Variants in CHN1 observed in about 807,000 individuals in gnomAD.
CHN1 encodes the protein N-chimaerin.
A neutral mutation model predicts 59.5 loss-of-function variants in CHN1; 37 were observed. The observed-to-expected ratio is 0.62, with a 90% CI of 0.48 to 0.82. CHN1 has a LOEUF of 0.82. CHN1 is among the 40% of genes least tolerant of loss of function. CHN1 has a pLI of 0.00. For missense variants in CHN1, 469 were observed against 571.0 expected, an observed-to-expected ratio of 0.82 and a Z score of 1.82; for synonymous variants, 206 against 200.4, an observed-to-expected ratio of 1.03 and a Z score of -0.24.
intron 3 of CHN1, among the ~76,000 whole-genome samples, chr2:174,944,354 T>C (rs1689763678): frequency 6.6e-6 from 1 of 152,210 alleles, no homozygotes; most frequent in African/African-American, 2.4e-5. Context: ...CAAGTAAGTA[T>C]ATTCTGAGCT....
intron 6 of CHN1, among the ~76,000 whole-genome samples, chr2:174,873,341 T>C (rs1028964210): frequency 6.6e-6 from 1 of 152,098 alleles, no homozygotes; most frequent in African/African-American, 2.4e-5. Context: ...GAACAAGGAA[T>C]GACAAAAAAG....
At chr2:174,926,902 C>T (rs957639000) in intron 3 of CHN1, among the ~76,000 whole-genome samples, 22 of 151,946 alleles carry the variant, frequency 1.4e-4, no homozygotes, top group African/African-American at 3.4e-4. Flanking sequence ...GGACTAAAGG[C>T]GCCCGCCACC....
intron 6 of CHN1, among the ~76,000 whole-genome samples, chr2:174,855,484 T>C (rs1686873125): frequency 6.6e-6 from 1 of 152,166 alleles, no homozygotes; most frequent in African/African-American, 2.4e-5. Context: ...AGTTATAACA[T>C]AAACATTTAT....
intron 1 of CHN1, among the ~76,000 whole-genome samples, chr2:174,978,308 C>CT (rs1176363158): frequency 6.6e-6 from 1 of 152,194 alleles, no homozygotes; most frequent in East Asian, 1.9e-4. Flanking sequence ...TCTAGACCAG[C>CT]TGTCTTGTAG....
At chr2:174,934,079 AG>A (rs1689429417) in intron 3 of CHN1, among the ~76,000 whole-genome samples, 1 of 151,932 alleles carries the variant, frequency 6.6e-6, no homozygotes, top group Non-Finnish European at 1.5e-5. Context: ...TTCTACAGAC[AG>A]GGGTCAGAGG....
At chr2:174,927,736 G>A (rs1026394709) in intron 3 of CHN1, among the ~76,000 whole-genome samples, 1 of 152,122 alleles carries the variant, frequency 6.6e-6, no homozygotes, top group Non-Finnish European at 1.5e-5. Context: ...TGCCTACAGT[G>A]GTAGTCATTG....
At chr2:174,948,290 C>A (rs1689905099) in intron 2 of CHN1, among the ~76,000 whole-genome samples, 1 of 152,168 alleles carries the variant, frequency 6.6e-6, no homozygotes, top group African/African-American at 2.4e-5. Context: ...AACCCAGAGT[C>A]TAACATGACA....
intron 5 of CHN1, among the ~76,000 whole-genome samples, chr2:174,914,493 G>C (rs539288040): frequency 1.3e-5 from 2 of 152,254 alleles, no homozygotes; most frequent in East Asian, 1.9e-4. Context: ...CGACAAGCTA[G>C]ACAAACAGGA....
At chr2:174,819,129 T>C (rs1685387637) in intron 8 of CHN1, among the ~76,000 whole-genome samples, 1 of 152,160 alleles carries the variant, frequency 6.6e-6, no homozygotes, top group South Asian at 2.1e-4. Flanking sequence ...TTGATGAAAA[T>C]ATTGTTTCCA....
At chr2:174,828,847 T>A (rs770031096) in intron 7 of CHN1, among the ~76,000 whole-genome samples, 1 of 152,122 alleles carries the variant, frequency 6.6e-6, no homozygotes, top group South Asian at 2.1e-4. Flanking sequence ...TTGCCTAGAA[T>A]TGCCACACCC....
chr2:174,873,739 G>A (rs1993385), intron 6 of CHN1, among the ~76,000 whole-genome samples: 58,288 of 151,932 alleles, frequency 0.38, 11,839 homozygotes, highest in Admixed American at 0.5. Context: ...ACAGTCTGGA[G>A]ATCCCAAAAG....
At chr2:174,940,796 A>T (rs1689636055) in intron 3 of CHN1, among the ~76,000 whole-genome samples, 1 of 152,192 alleles carries the variant, frequency 6.6e-6, no homozygotes, top group South Asian at 2.1e-4. Context: ...GCAATTAACA[A>T]ATAATTGGTG....
In CHN1 at chr2:174,996,745, C is replaced by T. The variant is rs1365426234; in HGVS notation, c.19+8149G>A. 2.0e-5 allele frequency among the ~76,000 whole-genome samples: 3 copies of T among 152,054 alleles called. No individual in the cohort carries two copies. The East Asian group carries it at 5.8e-4, about 29-fold the overall frequency. Reference sequence around the variant, plus strand: ...CCCAGTACTCTCTATCCCCCAGCTGCCCTCTCTCCTCTCTCTCCTCAACTC... The same window carrying T: ...CCCAGTACTCTCTATCCCCCAGCTGTCCTCTCTCCTCTCTCTCCTCAACTC... On this transcript the variant is annotated intron_variant, in intron 1 of 12. Transcript: ENST00000409900.
At position 174,863,698 on chromosome 2, in the gene CHN1, A is replaced by G. The variant is rs568654325; in HGVS notation, c.549+14142T>C. Among the ~76,000 whole-genome samples, 5 of 152,316 alleles carry G rather than the reference A, an allele frequency of 3.3e-5. 1 individual carries two copies. The highest frequency in any genetic ancestry group is 9.6e-5 in the African/African-American group (4 of 41,572). On this transcript the variant is annotated intron_variant, in intron 6 of 12. Coordinates refer to ENST00000409900, the MANE Select transcript of CHN1 (RefSeq NM_001822.7). ...TGACTCCAAAAAGCTTCAGAACCGC[A>G]TATCTAATCTATCAGTTGTAACTTT...
rs183562655 is a variant in CHN1, at chr2:174,833,988, T to C, written c.628-9470A>G. On this transcript the variant is annotated intron_variant, in intron 7 of 12. Coordinates refer to ENST00000409900, the MANE Select transcript of CHN1 (RefSeq NM_001822.7). ...GTCTCTTTCTCTTTTCTTTTCTAAA[T>C]AGAGATGGAGTCTTGCCACGTGCCT... Among the ~76,000 whole-genome samples the C allele has an allele frequency of 5.6e-4, 86 of 152,244 alleles. 1 individual carries two copies. Among genetic ancestry groups the C allele is most frequent in the Admixed American group, 2.6e-3 (39 of 15,282 alleles).
chr2:174,807,580 ATG>A (rs547290627), intron 11 of CHN1, among the ~76,000 whole-genome samples: 141 of 151,664 alleles, frequency 9.3e-4, no homozygotes, highest in African/African-American at 3.3e-3. Flanking sequence ...AGACAAGGAC[ATG>A]TGAGATCCCT....
chr2:174,902,408 C>T (rs1391439209), intron 5 of CHN1, among the ~76,000 whole-genome samples: 1 of 152,056 alleles, frequency 6.6e-6, no homozygotes. Flanking sequence ...CTTTTTAGCA[C>T]TGATAATATA....
rs145658012 is a variant in CHN1, at chr2:174,920,716, C to T, written c.115-2151G>A. Among the ~76,000 whole-genome samples, 675 of 152,284 alleles carry T rather than the reference C, an allele frequency of 4.4e-3. 6 individuals carry two copies. The highest frequency in any genetic ancestry group is 0.015 in the African/African-American group (637 of 41,556). On this transcript the variant is annotated intron_variant, in intron 3 of 12. Transcript: ENST00000409900. ...ATGCATCATCTATAGCGGTGATCCC[C>T]AACATTTTTGGCACCAGGGACTGGT...
At chr2:174,833,232 T>C (rs994118999) in intron 7 of CHN1, among the ~76,000 whole-genome samples, 1 of 152,204 alleles carries the variant, frequency 6.6e-6, no homozygotes, top group Non-Finnish European at 1.5e-5. Context: ...GTTGCTGCTT[T>C]ATGTATTTTG....
Sources: gnomAD v4.1 joint callset for allele counts (sites outside exome capture counted in the v4.1 genomes callset) on GRCh38, gnomAD v4.1.1 for gene constraint, MANE v1.5 for transcripts, NCBI Gene and HGNC (gene_info 2026-07-23, HGNC 2026-07-21) for gene names.